Variants in COPS5 observed in about 807,000 individuals in gnomAD.
COPS5 encodes COP9 signalosome complex subunit 5.
A neutral mutation model predicts 44.4 loss-of-function variants in COPS5; 8 were observed. That is an observed-to-expected ratio of 0.18 (90% CI 0.11 to 0.32). The LOEUF (loss-of-function observed/expected upper bound fraction) is 0.32. Ranked by LOEUF, COPS5 falls within the 10% of genes least tolerant of loss-of-function variation. COPS5 has a pLI of 1.00. For synonymous variants in COPS5, 122 were observed against 142.8 expected (o/e 0.85, Z 1.04); for missense variants, 159 against 406.4 (o/e 0.39, Z 5.23).
At chr8:67,057,123 T>C (rs1804525564) in intron 4 of COPS5, among the ~76,000 whole-genome samples, 1 of 152,222 alleles carries the variant, frequency 6.6e-6, no homozygotes. Flanking sequence ...GTAAATATTA[T>C]TGAATTGTTT....
In COPS5 at chr8:67,050,410, C is replaced by T. The variant is rs77364537; in HGVS notation, c.771+820G>A. 5.3e-4 allele frequency among the ~76,000 whole-genome samples: 80 copies of T among 152,288 alleles called. No homozygotes were observed. The East Asian group carries it at 0.011, about 22-fold the overall frequency. ...CTTGAGCTCCTGAAGGAGTTTTCTA[C>T]GCTGCGGCTCAGCAGTAAAGCACTT... On this transcript the variant is annotated intron_variant, in intron 6 of 7. Coordinates refer to ENST00000357849, the MANE Select transcript of COPS5 (RefSeq NM_006837.3).
At chr8:67,061,561 C>A (rs1260200310) in intron 1 of COPS5, 4 of 454,916 alleles carry the variant, frequency 8.8e-6, no homozygotes, top group African/African-American at 2.0e-5. Context: ...CGACACTGGG[C>A]TCAAGGTAGG....
chr8:67,050,583 GTA>G (rs1554544963), intron 6 of COPS5, among the ~76,000 whole-genome samples: 4 of 150,176 alleles, frequency 2.7e-5, no homozygotes, highest in African/African-American at 9.9e-5. Flanking sequence ...GTGTGTGTGT[GTA>G]TCTTGACCTG....
At chr8:67,054,745 G>A (rs1563446612) in intron 5 of COPS5, among the ~76,000 whole-genome samples, 1 of 152,168 alleles carries the variant, frequency 6.6e-6, no homozygotes, top group African/African-American at 2.4e-5. Context: ...TGGCATAAGT[G>A]GTACAGAAAA....
chr8:67,061,643 A>C, intron 1 of COPS5: 1 of 577,092 alleles, frequency 1.7e-6, no homozygotes, highest in South Asian at 2.0e-5. Context: ...TTCTCCCCTT[A>C]CATCACCCGG....
At chr8:67,057,336 G>A (rs1804528187) in intron 4 of COPS5, 44 bp downstream of exon 4, 1 of 1,318,490 alleles carries the variant, frequency 7.6e-7, no homozygotes, top group African/African-American at 1.5e-5. Context: ...CTCCAGCCTA[G>A]GTAACACAGT....
chr8:67,059,092 AT>A (rs1280306461), intron 2 of COPS5, 118 bp downstream of exon 2: 2 of 645,740 alleles, frequency 3.1e-6, no homozygotes, highest in African/African-American at 3.7e-5. Context: ...TTACATATAA[AT>A]CATTAAAATT....
intron 1 of COPS5, 163 bp downstream of exon 1, chr8:67,061,691 G>GC: frequency 1.5e-6 from 1 of 676,804 alleles, no homozygotes; most frequent in South Asian, 1.9e-5. Flanking sequence ...GGGAGTGAAA[G>GC]CCCCAGCGGA....
intron 1 of COPS5, chr8:67,061,067 A>G (rs1020345216): frequency 2.4e-5 from 4 of 166,988 alleles, no homozygotes; most frequent in African/African-American, 9.6e-5. Flanking sequence ...CGTAATAATT[A>G]TCTTTTCCTG....
At chr8:67,057,217 A>C (rs1417248842) in intron 4 of COPS5, among the ~76,000 whole-genome samples, 163 bp downstream of exon 4, 1 of 152,212 alleles carries the variant, frequency 6.6e-6, no homozygotes, top group Non-Finnish European at 1.5e-5. Flanking sequence ...TAATTTTAAA[A>C]ATTACTAAGC....
At chr8:67,061,709 G>A in intron 1 of COPS5, 145 bp downstream of exon 1, 1 of 795,648 alleles carries the variant, frequency 1.3e-6, no homozygotes. Flanking sequence ...GGAGGGCTTA[G>A]GCTCTACTTG....
intron 5 of COPS5, among the ~76,000 whole-genome samples, chr8:67,056,162 G>A (rs976476881): frequency 6.6e-6 from 1 of 151,920 alleles, no homozygotes; most frequent in Non-Finnish European, 1.5e-5. Flanking sequence ...AATAAAAAAT[G>A]CAAAAGAAAA....
chr8:67,048,726 A>AG (rs1350951136), intron 6 of COPS5, among the ~76,000 whole-genome samples: 1 of 152,022 alleles, frequency 6.6e-6, no homozygotes, highest in East Asian at 1.9e-4. Context: ...AAAAAAAAAA[A>AG]AAAAAAAAAT....
chr8:67,043,375 C>T (rs925227191), intron 7 of COPS5, 58 bp from the exon 8 acceptor site: 14 of 1,053,644 alleles, frequency 1.3e-5, no homozygotes, highest in African/African-American at 6.3e-5. Context: ...TTCAAACACA[C>T]AAGATCAGCC....
intron 1 of COPS5, chr8:67,059,725 T>C: frequency 3.0e-6 from 1 of 328,682 alleles, no homozygotes. Context: ...TTCAACAGAC[T>C]TTTTCTCCAT....
rs754148750 is a variant in COPS5 at position 67,045,809 on chromosome 8, T to C, written c.920+3A>G. 1.2e-6 allele frequency: 2 copies of C among 1,614,068 alleles called. No homozygotes were observed. The highest frequency in any genetic ancestry group is 2.2e-5 in the East Asian group (1 of 44,882). On this transcript the variant is annotated splice_donor_region_variant and intron_variant, in intron 7 of 7. Coordinates refer to ENST00000357849, the MANE Select transcript of COPS5 (RefSeq NM_006837.3). The stretch of plus-strand genomic sequence containing the variant: ...AACAGGAATCTTATAGATTTACTCT[T>C]ACCTGTCTCTTGTAGCTTTGGCAAG...
At chr8:67,051,835 T>C (rs1245644820) in intron 5 of COPS5, among the ~76,000 whole-genome samples, 3 of 152,164 alleles carry the variant, frequency 2.0e-5, no homozygotes, top group African/African-American at 7.2e-5. Flanking sequence ...AAATAATTGC[T>C]CCCACTTTCA....
chr8:67,059,972 A>G (rs1210787171), intron 1 of COPS5: 2 of 166,522 alleles, frequency 1.2e-5, no homozygotes, highest in Non-Finnish European at 2.6e-5. Context: ...AGGATGAAAT[A>G]AATGAAATAA....
chr8:67,046,824 CAA>C (rs771868140), intron 6 of COPS5, among the ~76,000 whole-genome samples: 4 of 43,726 alleles, frequency 9.1e-5, no homozygotes, highest in African/African-American at 3.9e-4. Flanking sequence ...ACTCTGTCTC[CAA>C]AAAAAAAAAA....
Sources: allele counts gnomAD v4.1 joint callset (sites outside exome capture counted in the v4.1 genomes callset), GRCh38; gene constraint gnomAD v4.1.1; transcripts MANE v1.5; gene names NCBI Gene and HGNC (gene_info 2026-07-23, HGNC 2026-07-21).